Variants in CCSER1 observed in about 807,000 individuals in gnomAD.
CCSER1 encodes the protein coiled-coil serine rich protein 1.
In CCSER1, 41 loss-of-function variants were observed where a neutral mutation model predicts 82.0. That is an observed-to-expected ratio of 0.50 (90% CI 0.39 to 0.65). The LOEUF (loss-of-function observed/expected upper bound fraction) is 0.65. Ranked by LOEUF, CCSER1 falls within the 30% of genes least tolerant of loss-of-function variation. The probability of loss-of-function intolerance (pLI) is 0.00; values close to 1 mark genes in which losing one functional copy is unlikely to be tolerated. For missense variants in CCSER1, 1,119 were observed against 1,064.2 expected (o/e 1.05, Z -0.72); for synonymous variants, 414 against 383.9 (o/e 1.08, Z -0.92).
At chr4:90,479,864 T>A (rs1765667668) in intron 5 of CCSER1, among the ~76,000 whole-genome samples, 1 of 152,250 alleles carries the variant, frequency 6.6e-6, no homozygotes, top group Admixed American at 6.5e-5. Flanking sequence ...TATAGCAGCA[T>A]GATTTATAAT....
chr4:91,516,636 T>C (rs981802840), intron 10 of CCSER1, among the ~76,000 whole-genome samples: 9 of 152,148 alleles, frequency 5.9e-5, no homozygotes, highest in African/African-American at 4.8e-5. Context: ...TGAAGTGAGC[T>C]AGTATTATGC....
chr4:91,461,479 GA>G (rs936342618), intron 10 of CCSER1, among the ~76,000 whole-genome samples: 21 of 151,058 alleles, frequency 1.4e-4, no homozygotes, highest in East Asian at 7.8e-4. Flanking sequence ...CCTTTATTAA[GA>G]AAAAAAAAGT....
intron 9 of CCSER1, among the ~76,000 whole-genome samples, chr4:90,937,904 T>G (rs1420021601): frequency 2.0e-5 from 3 of 152,174 alleles, no homozygotes; most frequent in African/African-American, 7.2e-5. Flanking sequence ...GTTGCCAGTT[T>G]CCTATATTAA....
intron 10 of CCSER1, among the ~76,000 whole-genome samples, chr4:91,188,952 C>G (rs1553909793): frequency 6.6e-6 from 1 of 151,984 alleles, no homozygotes; most frequent in South Asian, 2.1e-4. Flanking sequence ...CTAGGAATTA[C>G]CAGAGAAATA....
intron 10 of CCSER1, among the ~76,000 whole-genome samples, chr4:91,429,748 G>C (rs918559793): frequency 6.6e-6 from 1 of 151,668 alleles, no homozygotes; most frequent in African/African-American, 2.4e-5. Context: ...TCAAGCATAA[G>C]AATTTTATTA....
chr4:91,335,012 T>A (rs1027010055), intron 10 of CCSER1, among the ~76,000 whole-genome samples: 4 of 152,216 alleles, frequency 2.6e-5, no homozygotes, highest in Middle Eastern at 6.8e-3. Context: ...ATGTTTTTTT[T>A]AATTAAAAGA....
chr4:90,312,818 C>A (rs183030435), intron 2 of CCSER1, 45 bp from the exon 3 acceptor site: 11 of 1,380,140 alleles, frequency 8.0e-6, no homozygotes, highest in Middle Eastern at 1.8e-4. Flanking sequence ...GTAAAAACTA[C>A]ATTTAAATAT....
chr4:90,913,546 T>C (rs879631280), intron 8 of CCSER1, among the ~76,000 whole-genome samples: 10 of 152,028 alleles, frequency 6.6e-5, no homozygotes, highest in Non-Finnish European at 1.3e-4. Flanking sequence ...GATGCCAAAA[T>C]GTAAAGACAA....
intron 10 of CCSER1, among the ~76,000 whole-genome samples, chr4:91,470,876 A>G (rs192253450): frequency 1.1e-4 from 16 of 152,282 alleles, no homozygotes; most frequent in African/African-American, 3.4e-4. Context: ...CAAATGAATA[A>G]TAAATAGGAT....
chr4:90,310,911 T>C (rs748197879), intron 2 of CCSER1, among the ~76,000 whole-genome samples: 19 of 152,144 alleles, frequency 1.2e-4, no homozygotes, highest in Non-Finnish European at 2.5e-4. Context: ...AGATCACTTT[T>C]ATGCACGTGA....
intron 10 of CCSER1, among the ~76,000 whole-genome samples, chr4:91,310,716 G>T (rs570871373): frequency 6.6e-6 from 1 of 151,994 alleles, no homozygotes; most frequent in Non-Finnish European, 1.5e-5. Flanking sequence ...CCATCAGAAG[G>T]CTGACAGGAG....
chr4:90,355,865 G>GCCATAAATAA (rs1339389641), intron 3 of CCSER1, among the ~76,000 whole-genome samples: 3 of 151,920 alleles, frequency 2.0e-5, no homozygotes, highest in African/African-American at 4.8e-5. Context: ...CTGCCAAAGG[G>GCCATAAATAA]ATATTGTAAA....
At chr4:91,405,077 T>G (rs749134813) in intron 10 of CCSER1, among the ~76,000 whole-genome samples, 6 of 152,216 alleles carry the variant, frequency 3.9e-5, no homozygotes, top group Admixed American at 3.9e-4. Flanking sequence ...ATCTGGGTGC[T>G]TCTGTATTGT....
At chr4:91,313,987 C>G (rs1364666364) in intron 10 of CCSER1, among the ~76,000 whole-genome samples, 1 of 151,934 alleles carries the variant, frequency 6.6e-6, no homozygotes, top group Non-Finnish European at 1.5e-5. Context: ...ATCTCTATCT[C>G]TTTTTACCAC....
chr4:91,385,954 AT>A (rs1330413316), intron 10 of CCSER1, among the ~76,000 whole-genome samples: 1 of 151,958 alleles, frequency 6.6e-6, no homozygotes, highest in Non-Finnish European at 1.5e-5. Flanking sequence ...ATCCATGTGT[AT>A]TTATACATAC....
chr4:90,383,075 A>G (rs1379688011), intron 3 of CCSER1, among the ~76,000 whole-genome samples: 1 of 152,152 alleles, frequency 6.6e-6, no homozygotes, highest in Non-Finnish European at 1.5e-5. Flanking sequence ...AGTAAGAATA[A>G]TATGAGATCA....
intron 5 of CCSER1, among the ~76,000 whole-genome samples, chr4:90,480,763 C>T (rs1322636152): frequency 6.6e-6 from 1 of 152,138 alleles, no homozygotes; most frequent in Non-Finnish European, 1.5e-5. Context: ...CAGTACCATG[C>T]TGTTTTGGTT....
In CCSER1 at chr4:91,422,218, C is replaced by CA. The variant is rs1049792055; in HGVS notation, c.2218-176344dup. On this transcript the variant is annotated intron_variant, in intron 10 of 10. Transcript: ENST00000509176. ...TGTTTCTGGTAATTTGTTACATCAG[C>CA]AAAAAAAAAACCCCTGTACATTAAG... 1.6e-3 allele frequency among the ~76,000 whole-genome samples: 240 copies of CA among 147,514 alleles called. 2 individuals are homozygous for CA. The highest frequency in any genetic ancestry group is 0.011 in the Middle Eastern group (3 of 284).
At chr4:90,234,479 A>C (rs1226374974) in intron 1 of CCSER1, among the ~76,000 whole-genome samples, 1 of 152,120 alleles carries the variant, frequency 6.6e-6, no homozygotes, top group Non-Finnish European at 1.5e-5. Flanking sequence ...GGCCTCCCAA[A>C]GTGCTAGGAT....
Sources: allele counts gnomAD v4.1 joint callset (sites outside exome capture counted in the v4.1 genomes callset), GRCh38; gene constraint gnomAD v4.1.1; transcripts MANE v1.5; gene names NCBI Gene and HGNC (gene_info 2026-07-23, HGNC 2026-07-21).